Variants in INPP4B observed in about 807,000 individuals in gnomAD.
INPP4B encodes the protein inositol polyphosphate-4-phosphatase type II B, also known as inositol polyphosphate 4-phosphatase type II.
Under a neutral mutation model 122.5 loss-of-function variants are expected in INPP4B, and 55 were observed. The ratio of observed to expected loss-of-function variants is 0.45; its 90% CI spans 0.36 to 0.56. INPP4B has a LOEUF of 0.56. Among genes scored for constraint, INPP4B ranks in the 20% least tolerant of loss-of-function variants. INPP4B has a pLI of 0.00. For synonymous variants in INPP4B, 403 were observed against 388.7 expected (o/e 1.04, Z -0.43); for missense variants, 1,000 against 1,097.7 (o/e 0.91, Z 1.26).
Position 142,402,980 on chromosome 4 carries a change from T to C in INPP4B, c.330A>G (p.Ile110Met). The change falls in exon 7 of 26, where the codon ATA (isoleucine) becomes ATG (methionine). Residue 110 changes from isoleucine (I) to methionine (M), a missense_variant. Transcript: ENST00000262992. ...CCTTGACATCATAGACTGTTAGTTTTATTTTGGTCTCCTCATAGATGGGAT... is the reference window on the plus strand; with the variant it reads ...CCTTGACATCATAGACTGTTAGTTTCATTTTGGTCTCCTCATAGATGGGAT... ...SEYPIYEETK[I>M]KLTVYDVKDK... is the part of the protein sequence containing the mutation. 6.2e-7 allele frequency: 1 copy of C among 1,605,584 alleles called. No individual in the cohort carries two copies. The highest frequency in any genetic ancestry group is 8.5e-7 in the Non-Finnish European group (1 of 1,172,216).
chr4:142,684,845 A>G (rs1759119017), intron 2 of INPP4B, among the ~76,000 whole-genome samples: 1 of 152,028 alleles, frequency 6.6e-6, no homozygotes, highest in South Asian at 2.1e-4. Context: ...ATTACTTGGC[A>G]AAATTATAAT....
intron 2 of INPP4B, among the ~76,000 whole-genome samples, chr4:142,639,171 G>C (rs1226200455): frequency 2.6e-5 from 4 of 152,026 alleles, no homozygotes; most frequent in Non-Finnish European, 4.4e-5. Context: ...TACTGGATTT[G>C]ATTTCTTAGT....
intron 7 of INPP4B, among the ~76,000 whole-genome samples, chr4:142,362,305 A>G (rs925749531): frequency 2.0e-5 from 3 of 152,034 alleles, no homozygotes; most frequent in Admixed American, 1.3e-4. Context: ...CCTTACCTTG[A>G]GGCACTCAGT....
Position 142,661,220 on chromosome 4 carries a change from C to T in INPP4B, c.-191+64619G>A, listed in dbSNP as rs185544694. 1.3e-3 allele frequency among the ~76,000 whole-genome samples: 191 copies of T among 152,242 alleles called. 1 individual carries two copies. Among genetic ancestry groups the T allele is most frequent in the Admixed American group, 1.8e-3 (28 of 15,294 alleles). ...TGTCTGTGAGGCTAAATTTTTGTGG[C>T]CTTGGGATGGACAAGAACCCAGTCT... is the stretch of plus-strand genomic sequence containing the variant. On this transcript the variant is annotated intron_variant, in intron 2 of 25. Transcript: ENST00000262992.
At chr4:142,716,490 G>T (rs1321627286) in intron 2 of INPP4B, among the ~76,000 whole-genome samples, 2 of 151,804 alleles carry the variant, frequency 1.3e-5, no homozygotes, top group Non-Finnish European at 2.9e-5. Context: ...TCCCCAAACG[G>T]CAGAACAAAA....
In INPP4B at chr4:142,338,251, T is replaced by C. The variant is rs1276522898; in HGVS notation, c.373-23489A>G. 2.0e-5 allele frequency among the ~76,000 whole-genome samples: 3 copies of C among 149,654 alleles called. No homozygotes were observed. In the Admixed American group the frequency reaches 2.0e-4, roughly 10 times the overall value. On this transcript the variant is annotated intron_variant, in intron 7 of 25. Transcript: ENST00000262992. ...CTTGGCAACTTTATTTTATTTTATT[T>C]TTCAGATGGAGTCTTGCTCTGTGGC...
At chr4:142,030,219 A>C (rs1246831582) in intron 25 of INPP4B, 1 of 1,535,542 alleles carries the variant, frequency 6.5e-7, no homozygotes, top group African/African-American at 1.4e-5. Flanking sequence ...GACAGGATAG[A>C]AGTGTCGAGA....
chr4:142,674,898 GA>G (rs1428749047), intron 2 of INPP4B, among the ~76,000 whole-genome samples: 1 of 152,102 alleles, frequency 6.6e-6, no homozygotes, highest in Non-Finnish European at 1.5e-5. Flanking sequence ...GCCCACAAGA[GA>G]AAGCAGGAAA....
At chr4:142,607,232 C>T (rs1427034824) in intron 2 of INPP4B, among the ~76,000 whole-genome samples, 1 of 151,812 alleles carries the variant, frequency 6.6e-6, no homozygotes, top group Non-Finnish European at 1.5e-5. Context: ...ATTAATCATT[C>T]CCTTTTTGTT....
At chr4:142,659,165 C>G (rs766978049) in intron 2 of INPP4B, among the ~76,000 whole-genome samples, 1 of 151,316 alleles carries the variant, frequency 6.6e-6, no homozygotes, top group Non-Finnish European at 1.5e-5. Flanking sequence ...TTTGGGAGGC[C>G]GAGGCGGGCA....
At chr4:142,099,845 G>C (rs1449453859) in intron 23 of INPP4B, among the ~76,000 whole-genome samples, 1 of 151,988 alleles carries the variant, frequency 6.6e-6, no homozygotes, top group Non-Finnish European at 1.5e-5. Context: ...TAACATTCTG[G>C]GAAATTTCAT....
At chr4:142,203,571 A>G (rs1253467763) in intron 14 of INPP4B, among the ~76,000 whole-genome samples, 7 of 152,126 alleles carry the variant, frequency 4.6e-5, no homozygotes, top group Admixed American at 2.6e-4. Flanking sequence ...TATTGTGGTG[A>G]GTATTCTACT....
At chr4:142,691,096 G>A (rs919564358) in intron 2 of INPP4B, among the ~76,000 whole-genome samples, 7 of 151,944 alleles carry the variant, frequency 4.6e-5, no homozygotes, top group Non-Finnish European at 1.0e-4. Context: ...CCATTCCCAC[G>A]AGACCATGGA....
intron 3 of INPP4B, among the ~76,000 whole-genome samples, chr4:142,456,370 C>G (rs1182477790): frequency 6.6e-6 from 1 of 151,942 alleles, no homozygotes; most frequent in Non-Finnish European, 1.5e-5. Flanking sequence ...TATGAATATA[C>G]AGTTTTTCCA....
intron 2 of INPP4B, among the ~76,000 whole-genome samples, chr4:142,604,482 G>T (rs1302942239): frequency 6.6e-6 from 1 of 151,958 alleles, no homozygotes; most frequent in Non-Finnish European, 1.5e-5. Context: ...AAAACCAAAA[G>T]ACTCCAACAG....
At chr4:142,633,839 C>T (rs1035141587) in intron 2 of INPP4B, among the ~76,000 whole-genome samples, 1 of 151,574 alleles carries the variant, frequency 6.6e-6, no homozygotes, top group Non-Finnish European at 1.5e-5. Context: ...CAGTAAAAAC[C>T]CTAAAAACCC....
At chr4:142,146,629 G>T (rs1390384958) in intron 17 of INPP4B, among the ~76,000 whole-genome samples, 1 of 152,084 alleles carries the variant, frequency 6.6e-6, no homozygotes, top group Non-Finnish European at 1.5e-5. Flanking sequence ...AATTCTGGAA[G>T]TATGGTCTTT....
At chr4:142,085,540 T>G (rs1428867446) in intron 24 of INPP4B, among the ~76,000 whole-genome samples, 5 of 151,956 alleles carry the variant, frequency 3.3e-5, no homozygotes, top group African/African-American at 9.7e-5. Flanking sequence ...AATACAGGCT[T>G]TTTTTTTGTT....
chr4:142,684,347 T>C (rs75742963), intron 2 of INPP4B, among the ~76,000 whole-genome samples: 2,061 of 152,156 alleles, frequency 0.014, 44 homozygotes, highest in African/African-American at 0.039. Context: ...TTGTGGAGAC[T>C]CAACATAGAA....
Sources: gnomAD v4.1 joint callset for allele counts (sites outside exome capture counted in the v4.1 genomes callset) on GRCh38, gnomAD v4.1.1 for gene constraint, MANE v1.5 for transcripts, NCBI Gene and HGNC (gene_info 2026-07-23, HGNC 2026-07-21) for gene names.